OPCML: variants seen among roughly 807,000 people sequenced by gnomAD.
The protein encoded by OPCML is opioid binding protein/cell adhesion molecule like, also known as opioid-binding protein/cell adhesion molecule.
OPCML carries 13 observed loss-of-function variants against 37.8 expected under a neutral mutation model. That is an observed-to-expected ratio of 0.34 (90% CI 0.22 to 0.55). The LOEUF (loss-of-function observed/expected upper bound fraction) is 0.55, where lower values mean the gene tolerates loss of function less well. OPCML is among the 20% of genes least tolerant of loss of function. OPCML has a pLI of 0.91. For missense variants in OPCML, 341 were observed against 435.6 expected (o/e 0.78, Z 1.93); for synonymous variants, 176 against 168.8 (o/e 1.04, Z -0.33).
At chr11:132,536,282 T>C (rs2096340608) in intron 3 of OPCML, among the ~76,000 whole-genome samples, 1 of 152,250 alleles carries the variant, frequency 6.6e-6, no homozygotes, top group African/African-American at 2.4e-5. Context: ...TTAACTGTTT[T>C]ATTTAAGACT....
intron 3 of OPCML, among the ~76,000 whole-genome samples, chr11:132,616,079 G>A (rs1345085534): frequency 6.6e-6 from 1 of 152,118 alleles, no homozygotes; most frequent in Non-Finnish European, 1.5e-5. Context: ...CTGGGGCGTT[G>A]GTCAACCTAG....
At chr11:132,883,036 G>A (rs1168692447) in intron 2 of OPCML, among the ~76,000 whole-genome samples, 1 of 152,136 alleles carries the variant, frequency 6.6e-6, no homozygotes, top group Non-Finnish European at 1.5e-5. Context: ...AGTTGAAAAA[G>A]AATTCATGGA....
chr11:133,309,148 C>G (rs995526795), intron 1 of OPCML, among the ~76,000 whole-genome samples: 7 of 152,102 alleles, frequency 4.6e-5, no homozygotes, highest in Admixed American at 1.3e-4. Context: ...TAAGCAGAAA[C>G]AAGATACATT....
chr11:133,494,868 T>C (rs886276329), intron 1 of OPCML, among the ~76,000 whole-genome samples: 3 of 151,436 alleles, frequency 2.0e-5, no homozygotes, highest in Non-Finnish European at 4.4e-5. Context: ...ACTTAAAGTA[T>C]AATAATAATA....
intron 1 of OPCML, chr11:133,299,792 T>C (rs1450010990): frequency 1.3e-5 from 2 of 152,114 alleles, no homozygotes; most frequent in Non-Finnish European, 2.9e-5. Context: ...AGCTCCATAC[T>C]TGTCTGTGAT....
chr11:133,417,250 G>A (rs990425767), intron 1 of OPCML, among the ~76,000 whole-genome samples: 1 of 152,178 alleles, frequency 6.6e-6, no homozygotes, highest in African/African-American at 2.4e-5. Flanking sequence ...TCATAGAAGT[G>A]CAGGTCAAAA....
chr11:132,766,168 A>G (rs958472625), intron 2 of OPCML, among the ~76,000 whole-genome samples: 7 of 152,132 alleles, frequency 4.6e-5, no homozygotes, highest in African/African-American at 1.7e-4. Context: ...TCAACTAATA[A>G]CTATATAAGG....
chr11:132,808,963 C>CT (rs1319451687), intron 2 of OPCML, among the ~76,000 whole-genome samples: 3 of 150,598 alleles, frequency 2.0e-5, no homozygotes, highest in South Asian at 4.2e-4. Flanking sequence ...AAAAGCTTTG[C>CT]TTTTTTAAAA....
chr11:133,354,151 A>G (rs1485489393), intron 1 of OPCML, among the ~76,000 whole-genome samples: 1 of 4,230 alleles, frequency 2.4e-4, no homozygotes, highest in Non-Finnish European at 4.9e-4. Context: ...TAAAAAACCT[A>G]AGTAGCTATT....
intron 1 of OPCML, among the ~76,000 whole-genome samples, chr11:133,234,135 T>C (rs977022066): frequency 2.0e-5 from 3 of 152,184 alleles, no homozygotes; most frequent in African/African-American, 7.2e-5. Flanking sequence ...AATTGTTGAC[T>C]TTTTGTCCAT....
chr11:133,414,202 G>A (rs987826127), intron 1 of OPCML, among the ~76,000 whole-genome samples: 6 of 152,072 alleles, frequency 3.9e-5, no homozygotes, highest in South Asian at 2.1e-4. Context: ...ATCATGGGGC[G>A]AGAGACCCTA....
intron 3 of OPCML, among the ~76,000 whole-genome samples, chr11:132,650,318 G>A (rs927593913): frequency 1.3e-5 from 2 of 152,238 alleles, no homozygotes; most frequent in South Asian, 4.1e-4. Flanking sequence ...TGCCATCGGC[G>A]GGTGAAAGTA....
In OPCML at chr11:132,677,570, A is replaced by G. The variant is rs560727240; in HGVS notation, c.147-20251T>C. The stretch of plus-strand genomic sequence containing the variant: ...TGGCCAAAGAATAGACTCCAAGTAA[A>G]TGGGACAGAATAGAGAGCTTCCAAA... On this transcript the variant is annotated intron_variant, in intron 2 of 7. Transcript: ENST00000524381. Among the ~76,000 whole-genome samples, 4 of 152,316 alleles carry G rather than the reference A, an allele frequency of 2.6e-5. No individual in the cohort carries two copies. In the South Asian group the frequency reaches 8.3e-4, roughly 32 times the overall value.
rs1332324109 is a variant in OPCML at position 132,489,421 on chromosome 11, G to T, written c.505+39640C>A. Among the ~76,000 whole-genome samples the T allele has an allele frequency of 3.9e-5, 6 of 152,200 alleles. No homozygotes were observed. In the East Asian group the frequency reaches 1.2e-3, roughly 29 times the overall value. On this transcript the variant is annotated intron_variant, in intron 4 of 7. Transcript: ENST00000524381. ...GATCTAAAATAATAGTAAAAAGTGT[G>T]GTATAGTAAATACAAAGACCAGTAA...
intron 4 of OPCML, among the ~76,000 whole-genome samples, chr11:132,498,753 T>C (rs2096239147): frequency 6.9e-6 from 1 of 143,992 alleles, no homozygotes; most frequent in African/African-American, 2.8e-5. Context: ...ATATGGCTCT[T>C]AGGCATATAG....
chr11:132,894,526 G>A (rs556122242), intron 2 of OPCML, among the ~76,000 whole-genome samples: 4 of 152,286 alleles, frequency 2.6e-5, no homozygotes, highest in East Asian at 1.9e-4. Flanking sequence ...TTAATTTTAC[G>A]TATCCACCTA....
At chr11:132,976,665 G>A (rs1380461656) in intron 1 of OPCML, among the ~76,000 whole-genome samples, 1 of 152,122 alleles carries the variant, frequency 6.6e-6, no homozygotes, top group East Asian at 1.9e-4. Context: ...AAGCTTCCCA[G>A]TCACTTATAA....
chr11:132,520,064 TA>T (rs2096289028), intron 4 of OPCML, among the ~76,000 whole-genome samples: 1 of 152,138 alleles, frequency 6.6e-6, no homozygotes, highest in South Asian at 2.1e-4. Context: ...GTGCTTTTGT[TA>T]GAACAATACT....
chr11:132,494,927 A>G (rs1291805315), intron 4 of OPCML, among the ~76,000 whole-genome samples: 1 of 152,092 alleles, frequency 6.6e-6, no homozygotes, highest in Admixed American at 6.5e-5. Flanking sequence ...TCAATTTCTC[A>G]CAACCTGTGC....
Sources: allele counts gnomAD v4.1 joint callset (sites outside exome capture counted in the v4.1 genomes callset), GRCh38; gene constraint gnomAD v4.1.1; transcripts MANE v1.5; gene names NCBI Gene and HGNC (gene_info 2026-07-23, HGNC 2026-07-21).